ELK4: variants seen among roughly 807,000 people sequenced by gnomAD.
ELK4 encodes ETS transcription factor ELK4.
Under a neutral mutation model 29.6 loss-of-function variants are expected in ELK4, and 16 were observed. The ratio of observed to expected loss-of-function variants is 0.54; its 90% CI spans 0.37 to 0.82. The LOEUF is 0.82. Among genes scored for constraint, ELK4 ranks in the 40% least tolerant of loss-of-function variants. ELK4 has a pLI of 0.00. For missense variants in ELK4, 465 were observed against 507.1 expected (o/e 0.92, Z 0.80); for synonymous variants, 213 against 191.1 (o/e 1.11, Z -0.95).
At position 205,612,035 on chromosome 1, in the gene ELK4, G is replaced by T. The variant is rs1179951078; in HGVS notation, c.*4511C>A. On this transcript the variant is annotated 3_prime_UTR_variant, in exon 5 of 5. Coordinates refer to ENST00000357992, the MANE Select transcript of ELK4 (RefSeq NM_001973.4). The stretch of plus-strand genomic sequence containing the variant: ...GGTAAAATATAACATAAGTCCCAAA[G>T]AAGTCTGTGAGCAGACTAGTAAAAT... The T allele has an allele frequency of 1.6e-5, 3 of 189,892 alleles. No homozygotes were observed. The highest frequency in any genetic ancestry group is 1.9e-3 in the Middle Eastern group (1 of 530). The allele number at this position is 189,892 out of a possible 1,614,324, so 11.8% of individuals were successfully genotyped here.
In ELK4 at chr1:205,625,426, C is replaced by G. The variant is rs1049625502; in HGVS notation, c.-9-1535G>C. 220 of 548,116 alleles carry G rather than the reference C, an allele frequency of 4.0e-4. 1 individual carries two copies. The highest frequency in any genetic ancestry group is 1.3e-4 in the Non-Finnish European group (38 of 299,176). The allele number at this position is 548,116 out of a possible 1,614,324, so 34.0% of individuals were successfully genotyped here. A position where few individuals can be genotyped will look rare whatever the true frequency, so the allele number is the denominator to read the frequency against. ...TGTCGCCACTATCACTGCCACCCAC[C>G]TCCCGGCTCCCCCAGGTTCCTTCAG... On this transcript the variant is annotated intron_variant, in intron 1 of 4. Transcript: ENST00000357992.
At chr1:205,629,100 G>A (rs1015594198) in intron 1 of ELK4, among the ~76,000 whole-genome samples, 2 of 147,716 alleles carry the variant, frequency 1.4e-5, no homozygotes, top group Non-Finnish European at 3.0e-5. Context: ...GAACCCGAGA[G>A]GCGGAGCTTG....
rs554027710 is a variant in ELK4, at chr1:205,615,167, CG to C, written c.*1378del. On this transcript the variant is annotated 3_prime_UTR_variant, in exon 5 of 5. Coordinates refer to ENST00000357992, the MANE Select transcript of ELK4 (RefSeq NM_001973.4). ...TGCGCCTTTGGGAGGCTGAGGTGGGCGGATCACAAGGTCAAGAGATCAAGAC... is the reference window on the plus strand; with the variant it reads ...TGCGCCTTTGGGAGGCTGAGGTGGGCGATCACAAGGTCAAGAGATCAAGAC... The C allele has an allele frequency of 3.1e-4, 54 of 173,684 alleles. No individual in the cohort carries two copies. The highest frequency in any genetic ancestry group is 2.3e-3 in the Middle Eastern group (1 of 428). 10.8% of individuals were successfully genotyped at this position (173,684 alleles called of 1,614,324 possible).
intron 4 of ELK4, among the ~76,000 whole-genome samples, chr1:205,617,910 A>T (rs578036239): frequency 1.2e-4 from 19 of 152,038 alleles, no homozygotes; most frequent in African/African-American, 3.4e-4. Flanking sequence ...TCAAAAAAAA[A>T]TTTTTTTTAA....
rs1329045964 is a variant in ELK4 at position 205,620,169 on chromosome 1, G to C, written c.877C>G (p.Pro293Ala). ...DSVASQPMELPENLSLEPKDQ... is the reference protein window; with the variant it reads ...DSVASQPMELAENLSLEPKDQ... ...TTAGGCTCCAGTGACAAATTCTCTG[G>C]AAGTTCCATTGGCTGAGAAGCCACT... The change falls in exon 3 of 5, where the codon CCA (proline) becomes GCA (alanine). Residue 293 changes from proline (P) to alanine (A), a missense_variant. Physicochemically the swap from Pro to Ala is conservative, Grantham distance 27. Transcript: ENST00000357992. 3.1e-6 allele frequency: 5 copies of C among 1,614,068 alleles called. No homozygotes were observed. Among genetic ancestry groups the C allele is most frequent in the Non-Finnish European group, 4.2e-6 (5 of 1,180,040 alleles).
At position 205,614,664 on chromosome 1, in the gene ELK4, A is replaced by G; in HGVS notation, c.*1882T>C. The G allele has an allele frequency of 4.4e-6, 1 of 225,304 alleles. No individual in the cohort carries two copies. The highest frequency in any genetic ancestry group is 8.8e-6 in the Non-Finnish European group (1 of 113,074). 14.0% of individuals were successfully genotyped at this position (225,304 alleles called of 1,614,324 possible). A position where few individuals can be genotyped will look rare whatever the true frequency, so the allele number is the denominator to read the frequency against. ...ACTACTACTAAGTTAGCTAGCATAG[A>G]TGTCTTCTTATACAAGAGCTTCTCT... On this transcript the variant is annotated 3_prime_UTR_variant, in exon 5 of 5. Transcript: ENST00000357992.
chr1:205,619,136 A>G, intron 3 of ELK4, 63 bp from the exon 4 acceptor site: 1 of 1,367,168 alleles, frequency 7.3e-7, no homozygotes, highest in Non-Finnish European at 9.9e-7. Context: ...TCCTTGAAAC[A>G]GCACACAAAT....
chr1:205,614,079 A>G lies in ELK4; in HGVS notation c.*2467T>C. The G allele has an allele frequency of 8.9e-6, 2 of 224,732 alleles. No individual in the cohort carries two copies. Among genetic ancestry groups the G allele is most frequent in the Non-Finnish European group, 1.8e-5 (2 of 112,686 alleles). 13.9% of individuals were successfully genotyped at this position (224,732 alleles called of 1,614,324 possible). A position where few individuals can be genotyped will look rare whatever the true frequency, so the allele number is the denominator to read the frequency against. On this transcript the variant is annotated 3_prime_UTR_variant, in exon 5 of 5. Transcript: ENST00000357992. ...GGATACGCACACACACACTTCTCCA[A>G]ATTAGTTGATCTCAAAGAGATAGCA...
chr1:205,610,418 T>C lies in ELK4; in HGVS notation c.*6128A>G. On this transcript the variant is annotated 3_prime_UTR_variant, in exon 5 of 5. Transcript: ENST00000357992. The stretch of plus-strand genomic sequence containing the variant: ...TCAATCCATGGTCGAATCTCTGTAC[T>C]TTAGAAATACTGCTTCCAGTATAAA... The C allele has an allele frequency of 4.3e-6, 1 of 230,698 alleles. No individual in the cohort carries two copies. The highest frequency in any genetic ancestry group is 8.6e-6 in the Non-Finnish European group (1 of 116,516). 14.3% of individuals were successfully genotyped at this position (230,698 alleles called of 1,614,324 possible).
chr1:205,619,919 C>T lies in ELK4; in HGVS notation c.1080+47G>A, dbSNP rs761962229. The T allele has an allele frequency of 6.2e-6, 10 of 1,613,880 alleles. No homozygotes were observed. The South Asian group carries it at 7.7e-5, about 12-fold the overall frequency. ...TAAATTCTGGATTTGCTTAAAAGGGCAAATAAATGAAAGCAATGGTGACAC... is the reference window on the plus strand; with the variant it reads ...TAAATTCTGGATTTGCTTAAAAGGGTAAATAAATGAAAGCAATGGTGACAC... On this transcript the variant is annotated intron_variant, in intron 3 of 4. Coordinates refer to ENST00000357992, the MANE Select transcript of ELK4 (RefSeq NM_001973.4).
rs1190527258 is a variant in ELK4, at chr1:205,610,838, T to C, written c.*5708A>G. Reference sequence around the variant, plus strand: ...TATATATGCATACACATACATTTACTAGGACAATAAATCAGAATGACTTGG... The same window carrying C: ...TATATATGCATACACATACATTTACCAGGACAATAAATCAGAATGACTTGG... On this transcript the variant is annotated 3_prime_UTR_variant, in exon 5 of 5. Transcript: ENST00000357992. 2.6e-5 allele frequency: 6 copies of C among 231,160 alleles called. No homozygotes were observed. The East Asian group carries it at 3.1e-4, about 12-fold the overall frequency. The allele number at this position is 231,160 out of a possible 1,614,324, so 14.3% of individuals were successfully genotyped here.
At chr1:205,625,943 C>T in intron 1 of ELK4, 1 of 849,612 alleles carries the variant, frequency 1.2e-6, no homozygotes, top group Non-Finnish European at 2.0e-6. Flanking sequence ...TCCCAAAATG[C>T]TGGGATTACA....
intron 1 of ELK4, among the ~76,000 whole-genome samples, chr1:205,628,172 A>G (rs1670503679): frequency 6.6e-6 from 1 of 152,220 alleles, no homozygotes; most frequent in East Asian, 1.9e-4. Context: ...AAGCGGGGCT[A>G]AAATAGCGGT....
In ELK4 at chr1:205,612,157, T is replaced by C. The variant is rs763422102; in HGVS notation, c.*4389A>G. ...GAAAACATGTGGTAATGGATTATTA[T>C]TTGGGAATTTATCAAAAAGAATTAA... On this transcript the variant is annotated 3_prime_UTR_variant, in exon 5 of 5. Coordinates refer to ENST00000357992, the MANE Select transcript of ELK4 (RefSeq NM_001973.4). 4.0e-5 allele frequency: 8 copies of C among 200,272 alleles called. No homozygotes were observed. The highest frequency in any genetic ancestry group is 6.2e-5 in the Non-Finnish European group (6 of 97,198). 12.4% of individuals were successfully genotyped at this position (200,272 alleles called of 1,614,324 possible). A position where few individuals can be genotyped will look rare whatever the true frequency, so the allele number is the denominator to read the frequency against.
chr1:205,618,483 T>C (rs1199188794), intron 4 of ELK4, among the ~76,000 whole-genome samples: 1 of 152,208 alleles, frequency 6.6e-6, no homozygotes, highest in Non-Finnish European at 1.5e-5. Context: ...TTCAAGCTGT[T>C]TGCCAGCTAG....
chr1:205,625,021 T>A (rs2102383081), intron 1 of ELK4, among the ~76,000 whole-genome samples: 1 of 152,264 alleles, frequency 6.6e-6, no homozygotes. Context: ...GATTGAATAC[T>A]TCACACACAC....
intron 1 of ELK4, among the ~76,000 whole-genome samples, chr1:205,630,469 C>A (rs980766654): frequency 1.3e-5 from 2 of 152,186 alleles, no homozygotes; most frequent in African/African-American, 2.4e-5. Context: ...CAAAAAAACA[C>A]AAAGTCTCCA....
chr1:205,631,042 A>C (rs1325709069), intron 1 of ELK4, among the ~76,000 whole-genome samples: 2 of 152,254 alleles, frequency 1.3e-5, no homozygotes, highest in African/African-American at 2.4e-5. Context: ...GCCAGTTACT[A>C]TCCCGCCCCG....
In ELK4 at chr1:205,614,168, C is replaced by T. The variant is rs951676308; in HGVS notation, c.*2378G>A. 2 of 221,256 alleles carry T rather than the reference C, an allele frequency of 9.0e-6. No homozygotes were observed. The highest frequency in any genetic ancestry group is 4.5e-5 in the African/African-American group (2 of 44,660). The allele number at this position is 221,256 out of a possible 1,614,324, so 13.7% of individuals were successfully genotyped here. On this transcript the variant is annotated 3_prime_UTR_variant, in exon 5 of 5. Transcript: ENST00000357992. ...TATAGATTTATGCAAAAAGGACTCA[C>T]TAAAATGGTTTACTAGGAAGTTGCT...
Sources: gnomAD v4.1 joint callset for allele counts (sites outside exome capture counted in the v4.1 genomes callset) on GRCh38, gnomAD v4.1.1 for gene constraint, MANE v1.5 for transcripts, NCBI Gene and HGNC (gene_info 2026-07-23, HGNC 2026-07-21) for gene names.